ZNF473: variants seen among roughly 807,000 people sequenced by gnomAD.
ZNF473 encodes the protein zinc finger protein 100 homolog.
ZNF473 carries 4 observed loss-of-function variants against 11.1 expected under a neutral mutation model. The ratio of observed to expected loss-of-function variants is 0.36; its 90% CI spans 0.18 to 0.82. The LOEUF (loss-of-function observed/expected upper bound fraction) is 0.82. Among genes scored for constraint, ZNF473 ranks in the 40% least tolerant of loss-of-function variants. The pLI, the probability that ZNF473 is intolerant of heterozygous loss-of-function variation, is 0.49. For missense variants in ZNF473, 854 were observed against 1,084.0 expected (o/e 0.79, Z 2.98); for synonymous variants, 404 against 390.4 (o/e 1.03, Z -0.41).
At chr19:50,032,569 G>A (rs753553347) in intron 2 of ZNF473, among the ~76,000 whole-genome samples, 25 of 152,176 alleles carry the variant, frequency 1.6e-4, no homozygotes, top group South Asian at 8.3e-4. Flanking sequence ...TTGTAAGTCT[G>A]GACTAGGGAA....
intron 2 of ZNF473, among the ~76,000 whole-genome samples, chr19:50,034,061 A>G (rs185648847): frequency 2.6e-5 from 4 of 152,250 alleles, no homozygotes; most frequent in Admixed American, 2.6e-4. Flanking sequence ...CAAACTTTAC[A>G]TGTCCCAAAC....
intron 2 of ZNF473, 84 bp downstream of exon 2, chr19:50,031,175 GGTCGCTCTGT>G (rs1346920298): frequency 6.5e-7 from 1 of 1,536,648 alleles, no homozygotes; most frequent in African/African-American, 1.4e-5. Context: ...GCGAGTTGAA[GGTCGCTCTGT>G]GTTGATTGGT....
chr19:50,042,439 C>T (rs1002983032), intron 4 of ZNF473: 1 of 152,350 alleles, frequency 6.6e-6, no homozygotes. Flanking sequence ...TGTACCCCAT[C>T]CAGTCAGTCT....
rs1568411284 is a variant in ZNF473, at chr19:50,045,643, G to A, written c.1200G>A (p.Glu400=). ...LIEHQALHAG[E]EPYKCNERGK... Reference sequence around the variant, plus strand: ...AACACCAGGCTCTTCATGCTGGAGAGGAGCCTTATAAGTGTAACGAACGTG... The same window carrying A: ...AACACCAGGCTCTTCATGCTGGAGAAGAGCCTTATAAGTGTAACGAACGTG... The change falls in exon 5 of 5, where the codon GAG becomes GAA. Residue 400 remains glutamate, a synonymous_variant. Transcript: ENST00000270617. 2 of 1,614,082 alleles carry A rather than the reference G, an allele frequency of 1.2e-6. No homozygotes were observed. Among genetic ancestry groups the A allele is most frequent in the Non-Finnish European group, 1.7e-6 (2 of 1,180,002 alleles).
intron 2 of ZNF473, among the ~76,000 whole-genome samples, chr19:50,035,907 C>T (rs1041447330): frequency 3.9e-5 from 6 of 152,102 alleles, no homozygotes; most frequent in African/African-American, 1.2e-4. Flanking sequence ...GATGGGAGCT[C>T]GTGCCACCCC....
chr19:50,028,891 A>G (rs1220348286), intron 1 of ZNF473, among the ~76,000 whole-genome samples: 1 of 152,246 alleles, frequency 6.6e-6, no homozygotes, highest in Non-Finnish European at 1.5e-5. Flanking sequence ...CTCATTGTTC[A>G]GTAGAATTAG....
At chr19:50,029,426 A>T (rs146171887) in intron 1 of ZNF473, among the ~76,000 whole-genome samples, 1 of 152,230 alleles carries the variant, frequency 6.6e-6, no homozygotes, top group Non-Finnish European at 1.5e-5. Flanking sequence ...GATTACAGGC[A>T]TGAGCCACTG....
At chr19:50,028,775 A>C (rs1342188411) in intron 1 of ZNF473, among the ~76,000 whole-genome samples, 1 of 152,162 alleles carries the variant, frequency 6.6e-6, no homozygotes, top group African/African-American at 2.4e-5. Context: ...GCCATGCTTG[A>C]ATTTTCTTTC....
intron 2 of ZNF473, among the ~76,000 whole-genome samples, chr19:50,032,079 A>G (rs2077321329): frequency 6.6e-6 from 1 of 151,218 alleles, no homozygotes; most frequent in Admixed American, 6.6e-5. Context: ...TCTAGCACAC[A>G]GGGTAAATGA....
chr19:50,045,383 C>G lies in ZNF473; in HGVS notation c.940C>G (p.His314Asp), dbSNP rs1979024529. Reference protein sequence around the residue: ...DTQPGEHQKTHTDSKSYNCNE... With the variant: ...DTQPGEHQKTDTDSKSYNCNE... Reference sequence around the variant, plus strand: ...ACAGCCTGGTGAGCATCAGAAAACTCACACAGATAGTAAGTCCTACAACTG... The same window carrying G: ...ACAGCCTGGTGAGCATCAGAAAACTGACACAGATAGTAAGTCCTACAACTG... The change falls in exon 5 of 5, where the codon CAC becomes GAC. Residue 314 changes from histidine (H) to aspartate (D), a missense_variant. Physicochemically the swap from His to Asp is moderately conservative, Grantham distance 81. Around this residue, in one of 2 missense-constraint regions of ZNF473, gnomAD observed 668 missense variants for 790.2 expected, o/e 0.85. Coordinates refer to ENST00000270617, the MANE Select transcript of ZNF473 (RefSeq NM_015428.4). The G allele has an allele frequency of 6.2e-7, 1 of 1,614,186 alleles. No individual in the cohort carries two copies. Among genetic ancestry groups the G allele is most frequent in the Non-Finnish European group, 8.5e-7 (1 of 1,180,036 alleles).
At chr19:50,028,663 C>T (rs558760354) in intron 1 of ZNF473, among the ~76,000 whole-genome samples, 4 of 152,146 alleles carry the variant, frequency 2.6e-5, no homozygotes, top group Non-Finnish European at 4.4e-5. Context: ...GAACTAACTT[C>T]GTGGGATGTA....
chr19:50,034,744 G>A (rs532440243), intron 2 of ZNF473, among the ~76,000 whole-genome samples: 1 of 152,276 alleles, frequency 6.6e-6, no homozygotes, highest in African/African-American at 2.4e-5. Context: ...AACTGGCATG[G>A]TTCGACCTGT....
chr19:50,032,982 A>C (rs1338187819), intron 2 of ZNF473, among the ~76,000 whole-genome samples: 2 of 152,134 alleles, frequency 1.3e-5, no homozygotes, highest in Non-Finnish European at 2.9e-5. Context: ...ACCCACCCTG[A>C]TGACCTCATC....
chr19:50,041,982 G>C, intron 4 of ZNF473, 163 bp downstream of exon 4: 1 of 547,862 alleles, frequency 1.8e-6, no homozygotes, highest in Non-Finnish European at 3.2e-6. Flanking sequence ...CTGGGAGCTG[G>C]GGGGATCAGG....
chr19:50,045,103 G>T lies in ZNF473; in HGVS notation c.660G>T (p.Gly220=). 6.2e-7 allele frequency: 1 copy of T among 1,614,192 alleles called. No homozygotes were observed. Among genetic ancestry groups the T allele is most frequent in the Non-Finnish European group, 8.5e-7 (1 of 1,180,028 alleles). ...GTGAATGTGGGAAAAGCTTCAGTGGGAGTTACCGTCTTACCCAGCACTGGA... is the reference window on the plus strand; with the variant it reads ...GTGAATGTGGGAAAAGCTTCAGTGGTAGTTACCGTCTTACCCAGCACTGGA... ...QCSECGKSFS[G]SYRLTQHWIT... The change falls in exon 5 of 5, where the codon GGG becomes GGT. Residue 220 remains glycine (G), a synonymous_variant. Coordinates refer to ENST00000270617, the MANE Select transcript of ZNF473 (RefSeq NM_015428.4).
Position 50,045,832 on chromosome 19 carries a change from A to G in ZNF473, c.1389A>G (p.Glu463=). ...GCTACAGACCCCACAAATGTCAGGA[A>G]TGCGTCAGGAGTTTCAGCCGGCCCT... The part of the protein sequence containing the change: ...HTGYRPHKCQ[E]CVRSFSRPSH... The change falls in exon 5 of 5, where the codon GAA becomes GAG. Residue 463 remains glutamate (E), a synonymous_variant. Transcript: ENST00000270617. 6.2e-7 allele frequency: 1 copy of G among 1,614,072 alleles called. No homozygotes were observed. The highest frequency in any genetic ancestry group is 1.1e-5 in the South Asian group (1 of 91,076).
At chr19:50,032,963 T>A (rs145750107) in intron 2 of ZNF473, among the ~76,000 whole-genome samples, 307 of 152,334 alleles carry the variant, frequency 2.0e-3, no homozygotes, top group Non-Finnish European at 3.5e-3. Context: ...TCAGTCGTTT[T>A]GGATTAGGAC....
Position 50,046,149 on chromosome 19 carries a change from A to T in ZNF473, c.1706A>T (p.Lys569Ile). ...EKCFKCNKCE[K>I]TFSCSKYLTQ... is the part of the protein sequence containing the mutation. ...TGCTTTAAGTGTAACAAATGTGAGA[A>T]AACCTTTAGCTGCAGCAAATACCTA... Residue 569 changes from lysine to isoleucine, a missense_variant, in exon 5 of 5, where the codon AAA (lysine) becomes ATA (isoleucine). Around this residue, in one of 2 missense-constraint regions of ZNF473, gnomAD observed 668 missense variants for 790.2 expected, o/e 0.85. Coordinates refer to ENST00000270617, the MANE Select transcript of ZNF473 (RefSeq NM_015428.4). This position sits in a 1 kb window ranked among gnomAD's most constrained non-coding sequence, Gnocchi z 5.9. 1 of 1,614,214 alleles carries T rather than the reference A, an allele frequency of 6.2e-7. No homozygotes were observed. The highest frequency in any genetic ancestry group is 2.2e-5 in the East Asian group (1 of 44,886).
At chr19:50,038,531 C>T (rs537398021) in intron 2 of ZNF473, among the ~76,000 whole-genome samples, 1 of 152,308 alleles carries the variant, frequency 6.6e-6, no homozygotes, top group Admixed American at 6.5e-5. Flanking sequence ...ACACTCAGAA[C>T]ATGGGACCTC....
Sources: gnomAD v4.1 joint callset for allele counts (sites outside exome capture counted in the v4.1 genomes callset) on GRCh38, gnomAD v4.1.1 for gene constraint, gnomAD v4.1.1 regional missense constraint, Gnocchi (gnomAD v3.1) non-coding constraint, MANE v1.5 for transcripts, NCBI Gene and HGNC (gene_info 2026-07-23, HGNC 2026-07-21) for gene names.